MYO5B: variants seen among roughly 807,000 people sequenced by gnomAD.
MYO5B encodes myosin VB, also known as unconventional myosin-Vb.
In MYO5B, 143 loss-of-function variants were observed where a neutral mutation model predicts 229.3. The ratio of observed to expected loss-of-function variants is 0.62; its 90% CI spans 0.54 to 0.72. The LOEUF (loss-of-function observed/expected upper bound fraction) is 0.72, where lower values mean the gene tolerates loss of function less well. MYO5B is among the 30% of genes least tolerant of loss of function. MYO5B has a pLI of 0.00. For synonymous variants in MYO5B, 918 were observed against 885.2 expected (o/e 1.04, Z -0.66); for missense variants, 2,321 against 2,331.0 (o/e 1.00, Z 0.09).
rs1257225841 is a variant in MYO5B, at chr18:50,183,329, ATATATATATC to A, written c.27+11428_27+11437del. On this transcript the variant is annotated intron_variant, in intron 1 of 39. Transcript: ENST00000285039. ...ATCATATATATATATATATATATAT[ATATATATATC>A]TCCTTCAATACTATTCATTTTGTTT... Among the ~76,000 whole-genome samples, 47 of 99,214 alleles carry A rather than the reference ATATATATATC, an allele frequency of 4.7e-4. 1 individual carries two copies. Among genetic ancestry groups the A allele is most frequent in the African/African-American group, 1.1e-3 (33 of 29,282 alleles). 65.1% of individuals were successfully genotyped at this position (99,214 alleles called of 152,430 possible).
At chr18:49,985,147 A>G (rs1040206430) in intron 7 of MYO5B, among the ~76,000 whole-genome samples, 3 of 152,238 alleles carry the variant, frequency 2.0e-5, no homozygotes, top group East Asian at 1.9e-4. Context: ...TTTGTTTTTG[A>G]AAAGATCTGA....
chr18:49,864,167 G>C lies in MYO5B; in HGVS notation c.3817C>G (p.Gln1273Glu). ...GCGTTCCTGCCGGCGAGTCGCCGCT[G>C]GTCGGCGCTCACGATCTGGGTCCTG... is the stretch of plus-strand genomic sequence containing the variant. Reference protein sequence around the residue: ...ILRTQIVSADQRRLAGRNAEP... With the variant: ...ILRTQIVSADERRLAGRNAEP... Residue 1273 changes from glutamine to glutamate, a missense_variant, in exon 28 of 40, where the codon CAG becomes GAG. By Grantham distance (29) the Gln-to-Glu change is conservative. Coordinates refer to ENST00000285039, the MANE Select transcript of MYO5B (RefSeq NM_001080467.3). 6.2e-7 allele frequency: 1 copy of C among 1,611,234 alleles called. No individual in the cohort carries two copies. Among genetic ancestry groups the C allele is most frequent in the Non-Finnish European group, 8.5e-7 (1 of 1,179,976 alleles).
chr18:50,022,225 C>G (rs933787360), intron 4 of MYO5B, among the ~76,000 whole-genome samples: 1 of 152,116 alleles, frequency 6.6e-6, no homozygotes, highest in Non-Finnish European at 1.5e-5. Flanking sequence ...AAGTTCACAT[C>G]ATGTTTGCCA....
chr18:50,080,948 T>C (rs946553372), intron 1 of MYO5B, among the ~76,000 whole-genome samples: 1 of 152,210 alleles, frequency 6.6e-6, no homozygotes, highest in African/African-American at 2.4e-5. Context: ...TGGGTGTTTC[T>C]TTAAAATATT....
intron 14 of MYO5B, 104 bp from the exon 15 acceptor site, chr18:49,937,501 C>T (rs952908461): frequency 5.1e-6 from 7 of 1,384,766 alleles, no homozygotes; most frequent in Middle Eastern, 1.8e-4. Context: ...GGAAAACACA[C>T]ATCCACGCCA....
At chr18:50,077,596 C>T (rs949595306) in intron 1 of MYO5B, among the ~76,000 whole-genome samples, 1 of 151,860 alleles carries the variant, frequency 6.6e-6, no homozygotes, top group African/African-American at 2.4e-5. Context: ...TCCCACTCAT[C>T]TCCTATAGAT....
intron 9 of MYO5B, among the ~76,000 whole-genome samples, chr18:49,979,386 G>A (rs1490189741): frequency 1.3e-5 from 2 of 152,194 alleles, no homozygotes; most frequent in African/African-American, 2.4e-5. Context: ...AGGCCCAGGG[G>A]CCCTCTCAAA....
At chr18:49,848,811 T>C (rs1010709418) in intron 32 of MYO5B, among the ~76,000 whole-genome samples, 16 of 151,880 alleles carry the variant, frequency 1.1e-4, no homozygotes, top group African/African-American at 2.9e-4. Context: ...TGAAGAGAAG[T>C]GTCCCCCTGG....
intron 31 of MYO5B, chr18:49,850,608 G>C (rs1398769142): frequency 6.6e-6 from 1 of 152,236 alleles, no homozygotes; most frequent in Non-Finnish European, 1.5e-5. Flanking sequence ...AGTGACCTAA[G>C]AGTGGCCTCT....
intron 1 of MYO5B, among the ~76,000 whole-genome samples, chr18:50,087,441 C>T (rs1043739193): frequency 1.3e-5 from 2 of 151,834 alleles, no homozygotes; most frequent in African/African-American, 2.4e-5. Context: ...GGTGTGGTGG[C>T]ACGCGCCTGT....
intron 1 of MYO5B, among the ~76,000 whole-genome samples, chr18:50,136,420 A>G (rs2032337879): frequency 7.3e-6 from 1 of 136,300 alleles, no homozygotes; most frequent in African/African-American, 2.8e-5. Context: ...TCGGGATGGT[A>G]ATATTACCAG....
rs2024224814 is a variant in MYO5B at position 49,853,430 on chromosome 18, A to C, written c.4221+19T>G. 6.2e-7 allele frequency: 1 copy of C among 1,613,406 alleles called. No homozygotes were observed. The highest frequency in any genetic ancestry group is 1.3e-5 in the African/African-American group (1 of 74,774). ...ACGTGACTTCCCAAAGCTGGGGTCC[A>C]CTAGACATGGCTACCCACCAGATTC... On this transcript the variant is annotated intron_variant, in intron 31 of 39. Transcript: ENST00000285039.
intron 1 of MYO5B, among the ~76,000 whole-genome samples, chr18:50,191,714 A>G (rs750168867): frequency 1.2e-4 from 18 of 152,228 alleles, no homozygotes; most frequent in Non-Finnish European, 2.5e-4. Context: ...GAAAATGCAT[A>G]TCATGGAAAA....
intron 9 of MYO5B, among the ~76,000 whole-genome samples, chr18:49,979,106 T>C (rs1412927336): frequency 2.0e-5 from 3 of 152,040 alleles, no homozygotes; most frequent in Admixed American, 1.3e-4. Context: ...CACTGGAGGT[T>C]CCTCCACCAC....
At chr18:50,086,225 A>G (rs1261133636) in intron 1 of MYO5B, among the ~76,000 whole-genome samples, 1 of 152,086 alleles carries the variant, frequency 6.6e-6, no homozygotes, top group African/African-American at 2.4e-5. Flanking sequence ...ATTACTGTTG[A>G]GAGTTCCTTC....
At chr18:49,870,435 A>G (rs749463632) in intron 27 of MYO5B, among the ~76,000 whole-genome samples, 27 of 152,248 alleles carry the variant, frequency 1.8e-4, no homozygotes, top group Non-Finnish European at 2.8e-4. Context: ...GACAAATTGG[A>G]CTTCATGAAA....
intron 1 of MYO5B, among the ~76,000 whole-genome samples, chr18:50,162,151 A>T (rs2144321001): frequency 6.6e-6 from 1 of 152,354 alleles, no homozygotes; most frequent in Non-Finnish European, 1.5e-5. Flanking sequence ...TTAAAGAAAA[A>T]GCTATTTCTC....
intron 1 of MYO5B, among the ~76,000 whole-genome samples, chr18:50,105,648 T>A (rs1434841980): frequency 3.9e-5 from 6 of 151,996 alleles, no homozygotes; most frequent in Non-Finnish European, 7.4e-5. Flanking sequence ...TTTTTTTTTC[T>A]TTTTTGCAGT....
In MYO5B at chr18:50,171,194, A is replaced by G. The variant is rs953513493; in HGVS notation, c.27+23573T>C. On this transcript the variant is annotated intron_variant, in intron 1 of 39. Transcript: ENST00000285039. ...CTTGGCACGATCTTCACCCTCACAG[A>G]TAAGTTGAGGAGATAAGGCAAATAT... is the stretch of plus-strand genomic sequence containing the variant. 9.4e-5 allele frequency among the ~76,000 whole-genome samples: 12 copies of G among 128,338 alleles called. 3 individuals are homozygous for G. The highest frequency in any genetic ancestry group is 1.7e-4 in the Admixed American group (2 of 11,940). The allele number at this position is 128,338 out of a possible 152,430, so 84.2% of individuals were successfully genotyped here. A position where few individuals can be genotyped will look rare whatever the true frequency, so the allele number is the denominator to read the frequency against.
Sources: allele counts gnomAD v4.1 joint callset (sites outside exome capture counted in the v4.1 genomes callset), GRCh38; gene constraint gnomAD v4.1.1; transcripts MANE v1.5; gene names NCBI Gene and HGNC (gene_info 2026-07-23, HGNC 2026-07-21).